The following CDH20 variants were observed in gnomAD, a reference collection of about 807,000 sequenced individuals.
CDH20 encodes cadherin-20.
A neutral mutation model predicts 74.2 loss-of-function variants in CDH20; 29 were observed. That is an observed-to-expected ratio of 0.39 (90% CI 0.29 to 0.53). CDH20 has a LOEUF of 0.53. Ranked by LOEUF, CDH20 falls within the 20% of genes least tolerant of loss-of-function variation. The probability of loss-of-function intolerance (pLI) is 0.69; values close to 1 mark genes in which losing one functional copy is unlikely to be tolerated. For missense variants in CDH20, 988 were observed against 1,048.3 expected (o/e 0.94, Z 0.79); for synonymous variants, 469 against 405.4 (o/e 1.16, Z -1.88).
chr18:61,528,359 G>GTTTT, intron 7 of CDH20, 139 bp downstream of exon 7: 1 of 623,090 alleles, frequency 1.6e-6, no homozygotes, highest in Non-Finnish European at 2.5e-6. Context: ...TTTTTGTGTT[G>GTTTT]TTTTTTTTTT....
chr18:61,476,123 C>G (rs887645984), intron 1 of CDH20, among the ~76,000 whole-genome samples: 1 of 152,082 alleles, frequency 6.6e-6, no homozygotes, highest in Admixed American at 6.6e-5. Flanking sequence ...TCGCCACATC[C>G]CCGTTAAGAT....
intron 1 of CDH20, among the ~76,000 whole-genome samples, chr18:61,458,339 G>A (rs552943650): frequency 6.6e-6 from 1 of 152,274 alleles, no homozygotes; most frequent in Non-Finnish European, 1.5e-5. Flanking sequence ...AGTTGTTAAT[G>A]ATGTATTTGG....
chr18:61,436,647 T>C, intron 1 of CDH20, among the ~76,000 whole-genome samples: 1 of 152,138 alleles, frequency 6.6e-6, no homozygotes, highest in East Asian at 1.9e-4. Flanking sequence ...TAATATCAAA[T>C]AAAGTATTTC....
chr18:61,405,609 T>C (rs1225831852), intron 1 of CDH20, among the ~76,000 whole-genome samples: 3 of 151,948 alleles, frequency 2.0e-5, no homozygotes, highest in African/African-American at 7.3e-5. Flanking sequence ...TAAAATAAAT[T>C]TTAAAAAACT....
At chr18:61,511,315 G>A (rs958545295) in intron 6 of CDH20, among the ~76,000 whole-genome samples, 1 of 151,750 alleles carries the variant, frequency 6.6e-6, no homozygotes, top group South Asian at 2.1e-4. Context: ...AGTGAGCCAT[G>A]ATCATGCCAC....
intron 1 of CDH20, among the ~76,000 whole-genome samples, chr18:61,458,900 A>G (rs1480206537): frequency 6.6e-6 from 1 of 152,086 alleles, no homozygotes; most frequent in African/African-American, 2.4e-5. Flanking sequence ...TGGCTTGTTG[A>G]TTTCTTTTAT....
chr18:61,482,024 AAAC>A (rs1479268352), intron 1 of CDH20, among the ~76,000 whole-genome samples: 2 of 152,100 alleles, frequency 1.3e-5, no homozygotes, highest in East Asian at 1.9e-4. Flanking sequence ...AAAAAAAAAA[AAAC>A]CCTAGCTAAG....
At chr18:61,503,789 T>G (rs941731593) in intron 5 of CDH20, among the ~76,000 whole-genome samples, 2 of 152,214 alleles carry the variant, frequency 1.3e-5, no homozygotes, top group African/African-American at 2.4e-5. Context: ...GATGATGCCT[T>G]CACACAAACT....
In CDH20 at chr18:61,528,005, G is replaced by T. The variant is rs777362710; in HGVS notation, c.1056G>T (p.Lys352Asn). Residue 352 changes from lysine to asparagine, a missense_variant, in exon 7 of 12, where the codon AAG (lysine) becomes AAT (asparagine). Transcript: ENST00000262717. Reference sequence around the variant, plus strand: ...AAAGCAAGAAAAGCTACACCTTAAAGGTGGAGGGAGCCAATCCTCACCTAG... The same window carrying T: ...AAAGCAAGAAAAGCTACACCTTAAATGTGGAGGGAGCCAATCCTCACCTAG... ...SFESKKSYTL[K>N]VEGANPHLEM... is the part of the protein sequence containing the mutation. The T allele has an allele frequency of 3.1e-6, 5 of 1,613,958 alleles. No individual in the cohort carries two copies. The highest frequency in any genetic ancestry group is 1.3e-5 in the African/African-American group (1 of 74,910).
chr18:61,379,371 C>A (rs979907298), intron 1 of CDH20, among the ~76,000 whole-genome samples: 1 of 152,130 alleles, frequency 6.6e-6, no homozygotes, highest in Non-Finnish European at 1.5e-5. Context: ...AAATATTAAT[C>A]GCTTTATTGA....
At chr18:61,351,909 C>T (rs1172476979) in intron 1 of CDH20, among the ~76,000 whole-genome samples, 1 of 152,078 alleles carries the variant, frequency 6.6e-6, no homozygotes, top group African/African-American at 2.4e-5. Context: ...CCTCAAAATG[C>T]TTCTGCAATG....
intron 1 of CDH20, among the ~76,000 whole-genome samples, chr18:61,485,596 A>G (rs1910731400): frequency 6.6e-6 from 1 of 152,196 alleles, no homozygotes; most frequent in Non-Finnish European, 1.5e-5. Flanking sequence ...AAATTAAGCT[A>G]TCACTTTTAC....
chr18:61,508,468 A>C (rs1158141435), intron 6 of CDH20, among the ~76,000 whole-genome samples: 1 of 152,164 alleles, frequency 6.6e-6, no homozygotes, highest in Non-Finnish European at 1.5e-5. Context: ...AGGAAAGCTA[A>C]GATGATTTCA....
intron 10 of CDH20, among the ~76,000 whole-genome samples, chr18:61,547,043 A>G (rs1293737744): frequency 1.3e-5 from 2 of 152,168 alleles, no homozygotes; most frequent in Non-Finnish European, 2.9e-5. Context: ...ATATTTTAAA[A>G]ATTAGCCAGG....
At chr18:61,382,886 G>C (rs1223232181) in intron 1 of CDH20, among the ~76,000 whole-genome samples, 1 of 152,188 alleles carries the variant, frequency 6.6e-6, no homozygotes, top group Non-Finnish European at 1.5e-5. Context: ...TGTAAGGCAG[G>C]AGGAAAGAAT....
intron 1 of CDH20, among the ~76,000 whole-genome samples, chr18:61,419,827 T>C (rs1263446900): frequency 2.0e-5 from 3 of 152,194 alleles, no homozygotes; most frequent in Non-Finnish European, 4.4e-5. Flanking sequence ...TGACCTGACC[T>C]GCGTACAAAA....
chr18:61,406,041 C>T (rs1423326842), intron 1 of CDH20, among the ~76,000 whole-genome samples: 1 of 152,160 alleles, frequency 6.6e-6, no homozygotes, highest in African/African-American at 2.4e-5. Context: ...GATGTTCACA[C>T]TGGCCAATTA....
chr18:61,528,236 T>G lies in CDH20; in HGVS notation c.1271+16T>G. 6.2e-7 allele frequency: 1 copy of G among 1,611,840 alleles called. No individual in the cohort carries two copies. The highest frequency in any genetic ancestry group is 8.5e-7 in the Non-Finnish European group (1 of 1,178,220). ...ACTCAATCAGGTTTTTCCACAGATT[T>G]CACCTTTTCCTTATATGCTGGAATC... is the stretch of plus-strand genomic sequence containing the variant. On this transcript the variant is annotated intron_variant, in intron 7 of 11. Coordinates refer to ENST00000262717, the MANE Select transcript of CDH20 (RefSeq NM_031891.4).
chr18:61,351,256 T>C (rs1454918567), intron 1 of CDH20, among the ~76,000 whole-genome samples: 1 of 152,116 alleles, frequency 6.6e-6, no homozygotes, highest in Non-Finnish European at 1.5e-5. Flanking sequence ...CAGGGTTACT[T>C]ATTGAGAGCC....
Sources: allele counts gnomAD v4.1 joint callset (sites outside exome capture counted in the v4.1 genomes callset), GRCh38; gene constraint gnomAD v4.1.1; transcripts MANE v1.5; gene names NCBI Gene and HGNC (gene_info 2026-07-23, HGNC 2026-07-21).